The following KLHL8 variants were observed in gnomAD, a reference collection of about 807,000 sequenced individuals.
KLHL8 encodes the protein kelch like family member 8, also known as kelch-like protein 8.
Under a neutral mutation model 63.5 loss-of-function variants are expected in KLHL8, and 38 were observed. That is an observed-to-expected ratio of 0.60 (90% confidence interval 0.46 to 0.78). The LOEUF (loss-of-function observed/expected upper bound fraction) is 0.78, where lower values mean the gene tolerates loss of function less well. KLHL8 is among the 30% of genes least tolerant of loss of function. The pLI, the probability that KLHL8 is intolerant of heterozygous loss-of-function variation, is 0.00. For missense variants in KLHL8, 566 were observed against 752.4 expected (o/e 0.75, Z 2.90); for synonymous variants, 224 against 254.3 (o/e 0.88, Z 1.13).
chr4:87,164,327 G>GA (rs933738950), intron 8 of KLHL8, among the ~76,000 whole-genome samples: 2 of 149,898 alleles, frequency 1.3e-5, no homozygotes, highest in Non-Finnish European at 3.0e-5. Flanking sequence ...TTGTAAGTAG[G>GA]AAAAAAATGG....
At chr4:87,194,911 T>G (rs939941921) in intron 2 of KLHL8, among the ~76,000 whole-genome samples, 1 of 152,198 alleles carries the variant, frequency 6.6e-6, no homozygotes, top group Admixed American at 6.5e-5. Flanking sequence ...AAAACACTAG[T>G]ATAGCTGAGT....
At chr4:87,208,370 T>C (rs1024188709) in intron 1 of KLHL8, among the ~76,000 whole-genome samples, 2 of 141,262 alleles carry the variant, frequency 1.4e-5, no homozygotes, top group Admixed American at 1.4e-4. Flanking sequence ...TCTTTTTTTC[T>C]TTTTTTTTTT....
chr4:87,197,734 G>GCAC (rs1173398590), intron 1 of KLHL8, among the ~76,000 whole-genome samples: 14 of 151,988 alleles, frequency 9.2e-5, no homozygotes, highest in Non-Finnish European at 1.6e-4. Context: ...ATTCTAACAG[G>GCAC]CACCAGCCAC....
At chr4:87,186,020 A>G (rs1359921302) in intron 2 of KLHL8, among the ~76,000 whole-genome samples, 3 of 151,980 alleles carry the variant, frequency 2.0e-5, no homozygotes, top group African/African-American at 7.3e-5. Context: ...ATATATATAT[A>G]CACATACTTT....
chr4:87,235,873 T>A (rs1450569934), intron 1 of KLHL8, among the ~76,000 whole-genome samples: 2 of 151,544 alleles, frequency 1.3e-5, no homozygotes, highest in Non-Finnish European at 2.9e-5. Context: ...AGCGGAGAGG[T>A]TGCGGGCCGC....
rs58112792 is a variant in KLHL8 at position 87,214,415 on chromosome 4, GATATATATATATATATAT to G, written c.-152+5985_-152+6002del. Reference sequence around the variant, plus strand: ...TGAGTTAACAAACTGGCACATAACAGATATATATATATATATATATATATATATATATATATATATATA... The same window carrying G: ...TGAGTTAACAAACTGGCACATAACAGATATATATATATATATATATATATA... On this transcript the variant is annotated intron_variant, in intron 1 of 9. Transcript: ENST00000273963. 9.1e-3 allele frequency among the ~76,000 whole-genome samples: 844 copies of G among 93,106 alleles called. 16 individuals carry two copies. Among genetic ancestry groups the G allele is most frequent in the African/African-American group, 0.027 (730 of 27,174 alleles). The allele number at this position is 93,106 out of a possible 152,430, so 61.1% of individuals were successfully genotyped here.
At chr4:87,212,496 T>A (rs1434051725) in intron 1 of KLHL8, among the ~76,000 whole-genome samples, 1 of 151,928 alleles carries the variant, frequency 6.6e-6, no homozygotes, top group African/African-American at 2.4e-5. Flanking sequence ...AGGAGGATCA[T>A]CTGAGCCCAG....
At chr4:87,230,975 T>C (rs1733126305) in intron 1 of KLHL8, among the ~76,000 whole-genome samples, 1 of 152,222 alleles carries the variant, frequency 6.6e-6, no homozygotes, top group South Asian at 2.1e-4. Context: ...GAATGTGGAC[T>C]TCCATCTGGA....
chr4:87,227,396 C>T (rs1733051733), intron 1 of KLHL8, among the ~76,000 whole-genome samples: 1 of 152,128 alleles, frequency 6.6e-6, no homozygotes, highest in African/African-American at 2.4e-5. Flanking sequence ...AATCTCAGCA[C>T]TTTGGGAGGC....
At chr4:87,167,221 T>C (rs1424577889) in intron 8 of KLHL8, 1 of 523,598 alleles carries the variant, frequency 1.9e-6, no homozygotes. Context: ...TGGACCCAGA[T>C]GTGTGACATA....
At chr4:87,167,640 T>C (rs1017487490) in intron 8 of KLHL8, 1 of 444,500 alleles carries the variant, frequency 2.2e-6, no homozygotes, top group Non-Finnish European at 4.5e-6. Flanking sequence ...TTCCTTCCCG[T>C]GTACAGAGGG....
intron 1 of KLHL8, among the ~76,000 whole-genome samples, chr4:87,236,266 T>A (rs938445581): frequency 4.6e-5 from 7 of 150,860 alleles, no homozygotes; most frequent in Admixed American, 3.3e-4. Context: ...TGGAGTGCAG[T>A]GGGGCGATCT....
chr4:87,198,256 G>A (rs1731779294), intron 1 of KLHL8, among the ~76,000 whole-genome samples: 1 of 152,104 alleles, frequency 6.6e-6, no homozygotes, highest in South Asian at 2.1e-4. Flanking sequence ...GGAGGCGGAG[G>A]TTGCAGTGAG....
rs377734275 is a variant in KLHL8, at chr4:87,182,206, C to A, written c.952+997G>T. The stretch of plus-strand genomic sequence containing the variant: ...CGAGATCGCGCCACTGCACTCCAAC[C>A]TGGGCGACAGAGACTCCGTCTCAAA... On this transcript the variant is annotated intron_variant, in intron 4 of 9. Transcript: ENST00000273963. 7.5e-5 allele frequency among the ~76,000 whole-genome samples: 10 copies of A among 133,122 alleles called. No individual in the cohort carries two copies. In the East Asian group the frequency reaches 1.5e-3, roughly 20 times the overall value. 87.3% of individuals were successfully genotyped at this position (133,122 alleles called of 152,430 possible). A position where few individuals can be genotyped will look rare whatever the true frequency, so the allele number is the denominator to read the frequency against.
At chr4:87,226,982 A>T (rs1386694885) in intron 1 of KLHL8, among the ~76,000 whole-genome samples, 1 of 82,762 alleles carries the variant, frequency 1.2e-5, no homozygotes, top group South Asian at 2.7e-4. Context: ...TATAAATAAT[A>T]TATAATATAT....
chr4:87,210,069 G>A (rs1732338116), intron 1 of KLHL8, among the ~76,000 whole-genome samples: 1 of 152,026 alleles, frequency 6.6e-6, no homozygotes, highest in Non-Finnish European at 1.5e-5. Flanking sequence ...TGTTTCCCAG[G>A]CTGGTGGTGA....
chr4:87,164,891 G>A (rs1348479394), intron 8 of KLHL8, among the ~76,000 whole-genome samples: 1 of 152,098 alleles, frequency 6.6e-6, no homozygotes, highest in Non-Finnish European at 1.5e-5. Flanking sequence ...GCTCACGCCT[G>A]TAATCCCAGC....
At chr4:87,215,215 ATTAAT>A (rs983143569) in intron 1 of KLHL8, among the ~76,000 whole-genome samples, 4 of 152,312 alleles carry the variant, frequency 2.6e-5, no homozygotes, top group East Asian at 1.9e-4. Context: ...TCCATATCTA[ATTAAT>A]TTAATTCAAA....
intron 3 of KLHL8, among the ~76,000 whole-genome samples, chr4:87,184,664 C>G (rs1044280059): frequency 6.6e-6 from 1 of 151,232 alleles, no homozygotes; most frequent in Non-Finnish European, 1.5e-5. Context: ...GAGAGGAAGA[C>G]GACAAAAGAA....
Sources: gnomAD v4.1 joint callset for allele counts (sites outside exome capture counted in the v4.1 genomes callset) on GRCh38, gnomAD v4.1.1 for gene constraint, MANE v1.5 for transcripts, NCBI Gene and HGNC (gene_info 2026-07-23, HGNC 2026-07-21) for gene names.